Variants in GXYLT1 observed in about 807,000 individuals in gnomAD.
The protein encoded by GXYLT1 is glycosyltransferase 8 domain containing 3.
Under a neutral mutation model 54.0 loss-of-function variants are expected in GXYLT1, and 29 were observed. The ratio of observed to expected loss-of-function variants is 0.54; its 90% CI spans 0.40 to 0.73. The LOEUF (loss-of-function observed/expected upper bound fraction) is 0.73, where lower values mean the gene tolerates loss of function less well. GXYLT1 is among the 30% of genes least tolerant of loss of function. GXYLT1 has a pLI of 0.00. For synonymous variants in GXYLT1, 176 were observed against 204.1 expected, an observed-to-expected ratio of 0.86 and a Z score of 1.17; for missense variants, 490 against 553.4, an observed-to-expected ratio of 0.89 and a Z score of 1.15.
chr12:42,100,560 A>G (rs2065384213), intron 5 of GXYLT1, among the ~76,000 whole-genome samples: 1 of 152,124 alleles, frequency 6.6e-6, no homozygotes, highest in African/African-American at 2.4e-5. Flanking sequence ...TCATGAAAAA[A>G]AAAAAATCCA....
intron 1 of GXYLT1, among the ~76,000 whole-genome samples, chr12:42,136,805 C>G (rs368133674): frequency 3.0e-5 from 3 of 101,412 alleles, no homozygotes; most frequent in African/African-American, 9.3e-5. Context: ...CACACACACA[C>G]ACAAGTCGCC....
chr12:42,108,765 C>T (rs2065435233), intron 4 of GXYLT1, among the ~76,000 whole-genome samples: 1 of 152,156 alleles, frequency 6.6e-6, no homozygotes, highest in South Asian at 2.1e-4. Flanking sequence ...CCTTAATCCA[C>T]TTAGCAATAA....
intron 2 of GXYLT1, among the ~76,000 whole-genome samples, chr12:42,127,641 T>A (rs1479859398): frequency 1.3e-5 from 2 of 152,202 alleles, no homozygotes; most frequent in Non-Finnish European, 2.9e-5. Context: ...AGATTATTAT[T>A]ACTCACGCTG....
At chr12:42,122,086 C>T (rs1240976969) in intron 2 of GXYLT1, among the ~76,000 whole-genome samples, 1 of 151,986 alleles carries the variant, frequency 6.6e-6, no homozygotes, top group African/African-American at 2.4e-5. Context: ...CTTTCGGTCA[C>T]AATATGAACA....
chr12:42,144,688 G>A lies in GXYLT1; in HGVS notation c.-42C>T, dbSNP rs569657177. The A allele has an allele frequency of 2.9e-6, 4 of 1,362,588 alleles. No homozygotes were observed. Among genetic ancestry groups the A allele is most frequent in the Admixed American group, 5.6e-5 (2 of 35,658 alleles). 84.4% of individuals were successfully genotyped at this position (1,362,588 alleles called of 1,614,324 possible). A position where few individuals can be genotyped will look rare whatever the true frequency, so the allele number is the denominator to read the frequency against. On this transcript the variant is annotated 5_prime_UTR_variant, in exon 1 of 8. Transcript: ENST00000398675. ...CTCCTTCGCCGCCGCCGCCGCGCCC[G>A]CCCCGACGAACTGGAGCGGAGGGAG...
At chr12:42,132,341 T>C (rs925773152) in intron 1 of GXYLT1, among the ~76,000 whole-genome samples, 7 of 152,234 alleles carry the variant, frequency 4.6e-5, no homozygotes, top group East Asian at 1.9e-4. Context: ...TAGAGTCAGC[T>C]TGAAATTTTT....
intron 3 of GXYLT1, among the ~76,000 whole-genome samples, chr12:42,114,998 T>G (rs1308842502): frequency 2.0e-5 from 3 of 152,142 alleles, no homozygotes; most frequent in African/African-American, 7.2e-5. Context: ...ATAAACGTAA[T>G]CCAGCATATA....
chr12:42,116,099 C>A (rs1385666885), intron 3 of GXYLT1, among the ~76,000 whole-genome samples: 1 of 152,018 alleles, frequency 6.6e-6, no homozygotes, highest in African/African-American at 2.4e-5. Context: ...GAAACTGGAT[C>A]CCTTCCTTAC....
At chr12:42,122,462 C>T (rs2065536853) in intron 2 of GXYLT1, among the ~76,000 whole-genome samples, 1 of 152,102 alleles carries the variant, frequency 6.6e-6, no homozygotes, top group African/African-American at 2.4e-5. Flanking sequence ...TGGTGGCACA[C>T]ACCTGTAGTC....
At chr12:42,102,427 T>C (rs1041902427) in intron 5 of GXYLT1, among the ~76,000 whole-genome samples, 1 of 152,216 alleles carries the variant, frequency 6.6e-6, no homozygotes, top group Non-Finnish European at 1.5e-5. Context: ...CCTTTTCCAG[T>C]ATTTTTCAAT....
chr12:42,135,801 T>G (rs971520711), intron 1 of GXYLT1, among the ~76,000 whole-genome samples: 2 of 151,852 alleles, frequency 1.3e-5, no homozygotes, highest in African/African-American at 4.8e-5. Flanking sequence ...GACTGAGGAG[T>G]GCAAGGTGGG....
In GXYLT1 at chr12:42,138,006, G is replaced by A. The variant is rs1208056812; in HGVS notation, c.221+6420C>T. ...TTCCAAGTCGGGCGCAGTGGCTCAC[G>A]CCTGTAATCTCAGCACTTTGGGAGT... On this transcript the variant is annotated intron_variant, in intron 1 of 7. Transcript: ENST00000398675. Among the ~76,000 whole-genome samples the A allele has an allele frequency of 1.4e-4, 22 of 152,216 alleles. No homozygotes were observed. In the South Asian group the frequency reaches 1.9e-3, roughly 13 times the overall value.
chr12:42,144,502 G>C lies in GXYLT1; in HGVS notation c.145C>G (p.Leu49Val). The change falls in exon 1 of 8, where the codon CTC becomes GTC. Residue 49 changes from leucine (L) to valine (V), a missense_variant. Around this residue, in one of 2 missense-constraint regions of GXYLT1, gnomAD observed 148 missense variants for 210.7 expected, o/e 0.70. Transcript: ENST00000398675. Reference sequence around the variant, plus strand: ...ACGGCGCCGCGTCCGCCGCCCGCGAGCCAGGAAGCCACCGCGGCCTGCGGC... The same window carrying C: ...ACGGCGCCGCGTCCGCCGCCCGCGACCCAGGAAGCCACCGCGGCCTGCGGC... ...GKPQAAVASW[L>V]AGGGRGAVRG... 7.1e-7 allele frequency: 1 copy of C among 1,407,296 alleles called. No individual in the cohort carries two copies. The highest frequency in any genetic ancestry group is 9.3e-7 in the Non-Finnish European group (1 of 1,078,060). The allele number at this position is 1,407,296 out of a possible 1,614,324, so 87.2% of individuals were successfully genotyped here.
Position 42,144,735 on chromosome 12 carries a change from G to T in GXYLT1, c.-89C>A. On this transcript the variant is annotated 5_prime_UTR_variant, in exon 1 of 8. Transcript: ENST00000398675. ...GGAGGGGCACCGCGCAGCCGCGGGCGCAACAAGTTCCTCACCCGCAGCCGC... is the reference window on the plus strand; with the variant it reads ...GGAGGGGCACCGCGCAGCCGCGGGCTCAACAAGTTCCTCACCCGCAGCCGC... 1 of 1,047,018 alleles carries T rather than the reference G, an allele frequency of 9.6e-7. No individual in the cohort carries two copies. The highest frequency in any genetic ancestry group is 1.2e-6 in the Non-Finnish European group (1 of 802,308). 64.9% of individuals were successfully genotyped at this position (1,047,018 alleles called of 1,614,324 possible). A position where few individuals can be genotyped will look rare whatever the true frequency, so the allele number is the denominator to read the frequency against.
chr12:42,116,763 C>A (rs2065498119), intron 3 of GXYLT1, among the ~76,000 whole-genome samples: 1 of 152,166 alleles, frequency 6.6e-6, no homozygotes, highest in Non-Finnish European at 1.5e-5. Context: ...TTTGACCCAG[C>A]CATCCCATTA....
At chr12:42,107,739 T>C (rs1414930970) in intron 4 of GXYLT1, among the ~76,000 whole-genome samples, 1 of 152,126 alleles carries the variant, frequency 6.6e-6, no homozygotes, top group South Asian at 2.1e-4. Flanking sequence ...TGTATGTCTA[T>C]CTCACTTTTT....
At chr12:42,115,010 A>G (rs1188362526) in intron 3 of GXYLT1, among the ~76,000 whole-genome samples, 2 of 152,260 alleles carry the variant, frequency 1.3e-5, no homozygotes, top group Non-Finnish European at 2.9e-5. Context: ...CAGCATATAA[A>G]TAGAACCAAA....
intron 5 of GXYLT1, among the ~76,000 whole-genome samples, chr12:42,103,049 C>A (rs2065399167): frequency 6.6e-6 from 1 of 151,982 alleles, no homozygotes; most frequent in Non-Finnish European, 1.5e-5. Context: ...CAACCTCTGC[C>A]TCCCTGGTTC....
chr12:42,097,985 A>G lies in GXYLT1; in HGVS notation c.913T>C (p.Leu305=), dbSNP rs1335924358. ...RLQWGDILMP[L]LKKYKLNITW... ...ATGTTTAGTTTGTATTTTTTAAGCA[A>G]TGGCATAAGTATATCTCCCCATTGT... is the stretch of plus-strand genomic sequence containing the variant. Residue 305 remains leucine (L), a synonymous_variant, in exon 6 of 8, where the codon TTG becomes CTG. Coordinates refer to ENST00000398675, the MANE Select transcript of GXYLT1 (RefSeq NM_173601.2). The G allele has an allele frequency of 1.8e-5, 29 of 1,606,474 alleles. No homozygotes were observed. Among genetic ancestry groups the G allele is most frequent in the Admixed American group, 3.3e-5 (2 of 59,824 alleles).
Sources: gnomAD v4.1 joint callset for allele counts (sites outside exome capture counted in the v4.1 genomes callset) on GRCh38, gnomAD v4.1.1 for gene constraint, gnomAD v4.1.1 regional missense constraint, MANE v1.5 for transcripts, NCBI Gene and HGNC (gene_info 2026-07-23, HGNC 2026-07-21) for gene names.